Variants in PUM1 observed in about 807,000 individuals in gnomAD.
The protein encoded by PUM1 is pumilio RNA binding family member 1.
PUM1 carries 13 observed loss-of-function variants against 131.8 expected under a neutral mutation model. The observed-to-expected ratio is 0.10, with a 90% confidence interval of 0.06 to 0.16. PUM1 has a LOEUF of 0.16. PUM1 is among the 10% of genes least tolerant of loss of function. The probability of loss-of-function intolerance (pLI) is 1.00; values close to 1 mark genes in which losing one functional copy is unlikely to be tolerated. For missense variants in PUM1, 961 were observed against 1,512.4 expected, an observed-to-expected ratio of 0.64 and a Z score of 6.05; for synonymous variants, 509 against 556.5, an observed-to-expected ratio of 0.91 and a Z score of 1.20.
chr1:31,049,100 G>A (rs1206562408), intron 2 of PUM1, among the ~76,000 whole-genome samples: 1 of 152,110 alleles, frequency 6.6e-6, no homozygotes, highest in Non-Finnish European at 1.5e-5. Context: ...AGCTACTCAG[G>A]AGGCTGAGGC....
chr1:30,985,461 T>C (rs1461170629), intron 7 of PUM1, among the ~76,000 whole-genome samples: 1 of 152,102 alleles, frequency 6.6e-6, no homozygotes, highest in East Asian at 1.9e-4. Flanking sequence ...GAGACCAGCC[T>C]GACCAATATG....
chr1:31,038,990 T>A (rs867451834), intron 2 of PUM1, among the ~76,000 whole-genome samples: 3,358 of 43,636 alleles, frequency 0.077, 107 homozygotes, highest in Non-Finnish European at 0.1. Context: ...ATATATTTTT[T>A]TTTTTTTTTT....
chr1:31,045,045 G>A (rs1442927591), intron 2 of PUM1, among the ~76,000 whole-genome samples: 3 of 151,944 alleles, frequency 2.0e-5, no homozygotes, highest in East Asian at 1.9e-4. Flanking sequence ...TGATCCACCC[G>A]CCTCGGCCTC....
At chr1:30,963,491 A>G (rs1640501566) in intron 14 of PUM1, among the ~76,000 whole-genome samples, 1 of 152,232 alleles carries the variant, frequency 6.6e-6, no homozygotes, top group Admixed American at 6.5e-5. Context: ...CAATGTGTAT[A>G]TATAAACATA....
chr1:31,055,868 T>C (rs1277506418), intron 2 of PUM1, among the ~76,000 whole-genome samples: 1 of 152,174 alleles, frequency 6.6e-6, no homozygotes. Flanking sequence ...GCCAGGCACC[T>C]TGACTCTCCT....
intron 2 of PUM1, among the ~76,000 whole-genome samples, chr1:31,042,134 T>C (rs1643838805): frequency 6.6e-6 from 1 of 151,876 alleles, no homozygotes; most frequent in Non-Finnish European, 1.5e-5. Flanking sequence ...GTTGGAACCC[T>C]GTCTCTACTA....
intron 10 of PUM1, 135 bp from the exon 11 acceptor site, chr1:30,968,627 G>T: frequency 2.5e-6 from 2 of 813,914 alleles, no homozygotes; most frequent in Non-Finnish European, 3.7e-6. Flanking sequence ...TGTCACAGCT[G>T]TTAGCGTATA....
intron 2 of PUM1, among the ~76,000 whole-genome samples, chr1:31,045,088 G>A (rs963057422): frequency 1.1e-4 from 17 of 149,230 alleles, no homozygotes; most frequent in East Asian, 2.0e-4. Context: ...GTGACCCACC[G>A]TGCCCAGCTG....
Position 30,933,479 on chromosome 1 carries a change from C to T in PUM1, c.3436-137G>A, listed in dbSNP as rs140362985. The T allele has an allele frequency of 4.1e-3, 3,501 of 857,564 alleles. 39 individuals carry two copies. The highest frequency in any genetic ancestry group is 0.016 in the East Asian group (532 of 33,794). 53.1% of individuals were successfully genotyped at this position (857,564 alleles called of 1,614,324 possible). Reference sequence around the variant, plus strand: ...ACACACACACACACACACACACACACACACACCCCTACAGCAATACCTTTC... The same window carrying T: ...ACACACACACACACACACACACACATACACACCCCTACAGCAATACCTTTC... On this transcript the variant is annotated intron_variant, in intron 21 of 21. Transcript: ENST00000426105.
chr1:31,048,988 C>T (rs1484780869), intron 2 of PUM1, among the ~76,000 whole-genome samples: 1 of 151,436 alleles, frequency 6.6e-6, no homozygotes, highest in Non-Finnish European at 1.5e-5. Flanking sequence ...GGTAGATCAC[C>T]TGAGGTCAGG....
chr1:30,938,944 CAGATAGACAGAT>C (rs1327967821), intron 20 of PUM1, among the ~76,000 whole-genome samples: 78 of 149,574 alleles, frequency 5.2e-4, no homozygotes, highest in East Asian at 3.8e-3. Context: ...GACAGACAGA[CAGATAGACAGAT>C]AGACAGATAC....
chr1:30,945,058 C>T (rs1303201568), intron 18 of PUM1, among the ~76,000 whole-genome samples: 1 of 151,918 alleles, frequency 6.6e-6, no homozygotes, highest in Non-Finnish European at 1.5e-5. Context: ...CATGGTGAGG[C>T]CACTGTCTCT....
chr1:30,967,071 G>T, intron 12 of PUM1, 96 bp downstream of exon 12: 1 of 1,480,244 alleles, frequency 6.8e-7, no homozygotes, highest in Non-Finnish European at 9.3e-7. Context: ...GATATACTGA[G>T]AATTGCCAAA....
At chr1:30,992,221 A>G (rs1641819674) in intron 7 of PUM1, among the ~76,000 whole-genome samples, 169 bp downstream of exon 7, 1 of 152,212 alleles carries the variant, frequency 6.6e-6, no homozygotes, top group East Asian at 1.9e-4. Flanking sequence ...CATAGGGACC[A>G]GCTTCATGAG....
At chr1:31,054,433 A>C (rs1285688554) in intron 2 of PUM1, among the ~76,000 whole-genome samples, 1 of 151,868 alleles carries the variant, frequency 6.6e-6, no homozygotes, top group East Asian at 1.9e-4. Flanking sequence ...CTCCAATGCT[A>C]CTGGCATCAC....
intron 2 of PUM1, among the ~76,000 whole-genome samples, chr1:31,054,628 G>GAC (rs1257578785): frequency 1.5e-4 from 23 of 149,936 alleles, no homozygotes; most frequent in Admixed American, 1.5e-3. Context: ...TCTCTACAGA[G>GAC]ATAATTTTCC....
intron 21 of PUM1, among the ~76,000 whole-genome samples, chr1:30,935,226 A>T (rs917304487): frequency 2.6e-5 from 4 of 152,176 alleles, no homozygotes; most frequent in African/African-American, 9.7e-5. Context: ...AACTTGTTTT[A>T]CTTCTTCAGA....
chr1:30,963,037 G>T (rs973372388), intron 14 of PUM1, among the ~76,000 whole-genome samples: 3 of 152,212 alleles, frequency 2.0e-5, no homozygotes, highest in African/African-American at 7.2e-5. Context: ...CACTGAAACT[G>T]CATGCTTTGG....
In PUM1 at chr1:30,966,117, G is replaced by A. The variant is rs774240031; in HGVS notation, c.1951C>T (p.Leu651=). The A allele has an allele frequency of 1.2e-6, 2 of 1,614,148 alleles. No individual in the cohort carries two copies. Among genetic ancestry groups the A allele is most frequent in the South Asian group, 2.2e-5 (2 of 91,082 alleles). Residue 651 remains leucine, a synonymous_variant, in exon 13 of 22, where the codon CTG becomes TTG. Transcript: ENST00000426105. ...GAGCTGCTCTGTGAATTGCTGTTCA[G>A]AGAGTTGTTGCCGTAGAAAGAACTG... ...ASSSFYGNNS[L]NSNSQSSSLF... is the part of the protein sequence containing the mutation.
Sources: gnomAD v4.1 joint callset for allele counts (sites outside exome capture counted in the v4.1 genomes callset) on GRCh38, gnomAD v4.1.1 for gene constraint, MANE v1.5 for transcripts, NCBI Gene and HGNC (gene_info 2026-07-23, HGNC 2026-07-21) for gene names.